Variants in EBF2 observed in about 807,000 individuals in gnomAD.
EBF2 encodes the protein transcription factor COE2.
Under a neutral mutation model 72.8 loss-of-function variants are expected in EBF2, and 21 were observed. The observed-to-expected ratio is 0.29, with a 90% CI of 0.20 to 0.42. The LOEUF (loss-of-function observed/expected upper bound fraction) is 0.42, where lower values mean the gene tolerates loss of function less well. EBF2 is among the 10% of genes least tolerant of loss of function. The probability of loss-of-function intolerance (pLI) is 1.00; values close to 1 mark genes in which losing one functional copy is unlikely to be tolerated. For missense variants in EBF2, 637 were observed against 731.2 expected, an observed-to-expected ratio of 0.87 and a Z score of 1.49; for synonymous variants, 299 against 274.2, an observed-to-expected ratio of 1.09 and a Z score of -0.89.
intron 6 of EBF2, among the ~76,000 whole-genome samples, chr8:25,924,937 A>G (rs1039663807): frequency 1.3e-5 from 2 of 152,246 alleles, no homozygotes; most frequent in Non-Finnish European, 2.9e-5. Context: ...CCAGATGCAC[A>G]GAAAATAAGG....
intron 15 of EBF2, among the ~76,000 whole-genome samples, chr8:25,846,419 G>T (rs1417287327): frequency 6.6e-6 from 1 of 152,152 alleles, no homozygotes; most frequent in Non-Finnish European, 1.5e-5. Flanking sequence ...TGGGCACGGT[G>T]GCTAACACCT....
intron 6 of EBF2, among the ~76,000 whole-genome samples, chr8:26,023,461 G>A (rs1022801703): frequency 2.0e-5 from 3 of 152,102 alleles, no homozygotes; most frequent in Non-Finnish European, 2.9e-5. Context: ...TAATAACCAC[G>A]TCCATCCAGT....
intron 6 of EBF2, among the ~76,000 whole-genome samples, chr8:25,944,776 T>C (rs990529843): frequency 4.2e-4 from 62 of 148,734 alleles, no homozygotes; most frequent in African/African-American, 1.4e-3. Flanking sequence ...TATTATATTG[T>C]GTATATAATT....
rs111782922 is a variant in EBF2 at position 25,920,643 on chromosome 8, T to C, written c.552-12088A>G. 1.8e-3 allele frequency among the ~76,000 whole-genome samples: 268 copies of C among 152,280 alleles called. 1 individual carries two copies. Among genetic ancestry groups the C allele is most frequent in the Admixed American group, 4.0e-3 (61 of 15,284 alleles). Reference sequence around the variant, plus strand: ...AATCAGCTATGAGGGAGAAAGAAATTTGGTGGCATTTAAGCAATAAGGTGT... The same window carrying C: ...AATCAGCTATGAGGGAGAAAGAAATCTGGTGGCATTTAAGCAATAAGGTGT... On this transcript the variant is annotated intron_variant, in intron 6 of 15. Coordinates refer to ENST00000520164, the MANE Select transcript of EBF2 (RefSeq NM_022659.4).
chr8:25,915,084 T>C (rs1803189091), intron 6 of EBF2, among the ~76,000 whole-genome samples: 1 of 152,184 alleles, frequency 6.6e-6, no homozygotes, highest in Non-Finnish European at 1.5e-5. Context: ...ATTTGCCAGG[T>C]ATGATTTCAT....
At chr8:25,980,437 GA>G (rs983468873) in intron 6 of EBF2, among the ~76,000 whole-genome samples, 1 of 151,928 alleles carries the variant, frequency 6.6e-6, no homozygotes, top group African/African-American at 2.4e-5. Context: ...AGGAAGGAAG[GA>G]AAGAAAAGAA....
intron 6 of EBF2, among the ~76,000 whole-genome samples, chr8:26,030,038 A>T (rs569179431): frequency 6.6e-6 from 1 of 152,108 alleles, no homozygotes; most frequent in South Asian, 2.1e-4. Context: ...CAGCCTCCTG[A>T]GTATCTAGGG....
At chr8:25,855,357 A>G (rs1343152773) in intron 14 of EBF2, among the ~76,000 whole-genome samples, 3 of 152,194 alleles carry the variant, frequency 2.0e-5, no homozygotes, top group African/African-American at 7.2e-5. Context: ...GGAACTTGGC[A>G]CACTGCTACT....
intron 14 of EBF2, among the ~76,000 whole-genome samples, chr8:25,854,147 G>A (rs368030100): frequency 6.7e-6 from 1 of 148,952 alleles, no homozygotes; most frequent in African/African-American, 2.5e-5. Context: ...ACATAATAGT[G>A]TTTAAAAATA....
chr8:25,987,347 C>T lies in EBF2; in HGVS notation c.551+45738G>A, dbSNP rs576206946. Among the ~76,000 whole-genome samples the T allele has an allele frequency of 2.0e-5, 3 of 152,296 alleles. No homozygotes were observed. The South Asian group carries it at 6.2e-4, about 32-fold the overall frequency. On this transcript the variant is annotated intron_variant, in intron 6 of 15. Coordinates refer to ENST00000520164, the MANE Select transcript of EBF2 (RefSeq NM_022659.4). Reference sequence around the variant, plus strand: ...TCCCGCCATTTTGCAGATAAGGAAACTGAGGCACAGAGAGGCTCAGTAGCT... The same window carrying T: ...TCCCGCCATTTTGCAGATAAGGAAATTGAGGCACAGAGAGGCTCAGTAGCT...
At chr8:25,890,040 A>G (rs569039611) in intron 7 of EBF2, among the ~76,000 whole-genome samples, 171 bp from the exon 8 acceptor site, 1 of 152,304 alleles carries the variant, frequency 6.6e-6, no homozygotes, top group South Asian at 2.1e-4. Flanking sequence ...TCAAAACTTT[A>G]CAGAAAAAGT....
intron 6 of EBF2, among the ~76,000 whole-genome samples, chr8:25,926,800 C>T (rs1017975785): frequency 2.6e-5 from 4 of 152,188 alleles, no homozygotes; most frequent in Admixed American, 6.5e-5. Flanking sequence ...GAGTTCTATT[C>T]ATCACCTTTG....
chr8:25,969,365 A>G (rs1391586472), intron 6 of EBF2, among the ~76,000 whole-genome samples: 1 of 152,236 alleles, frequency 6.6e-6, no homozygotes, highest in East Asian at 1.9e-4. Flanking sequence ...AGCTGAGATC[A>G]ATCACCTGTT....
At chr8:25,900,395 G>C (rs906873906) in intron 7 of EBF2, among the ~76,000 whole-genome samples, 3 of 152,102 alleles carry the variant, frequency 2.0e-5, no homozygotes, top group African/African-American at 7.2e-5. Flanking sequence ...AAAGACCAAG[G>C]CTGTAGTGAA....
chr8:25,857,572 T>G (rs1315054154), intron 14 of EBF2, among the ~76,000 whole-genome samples: 2 of 152,190 alleles, frequency 1.3e-5, no homozygotes, highest in Admixed American at 1.3e-4. Context: ...TAGGTAGGTT[T>G]GAAAAATGCA....
chr8:26,031,989 C>T (rs1031164957), intron 6 of EBF2: 4 of 152,234 alleles, frequency 2.6e-5, no homozygotes, highest in African/African-American at 9.6e-5. Context: ...ACACATCCAA[C>T]AAACATTTTA....
chr8:25,892,569 T>G (rs1157915529), intron 7 of EBF2, among the ~76,000 whole-genome samples: 1 of 152,198 alleles, frequency 6.6e-6, no homozygotes, highest in Non-Finnish European at 1.5e-5. Context: ...CTCTTCTGAT[T>G]TTTTTCTTTG....
Position 25,950,067 on chromosome 8 carries a change from G to A in EBF2, c.552-41512C>T, listed in dbSNP as rs549067858. Among the ~76,000 whole-genome samples, 7 of 152,326 alleles carry A rather than the reference G, an allele frequency of 4.6e-5. No homozygotes were observed. The South Asian group carries it at 6.2e-4, about 14-fold the overall frequency. On this transcript the variant is annotated intron_variant, in intron 6 of 15. Coordinates refer to ENST00000520164, the MANE Select transcript of EBF2 (RefSeq NM_022659.4). ...CGCTTGTCAGTCTCAGTCTAGAACC[G>A]TATTAATGAACATCATCCGAAGACC...
intron 6 of EBF2, among the ~76,000 whole-genome samples, chr8:26,003,204 C>G (rs1804770641): frequency 6.6e-6 from 1 of 152,094 alleles, no homozygotes; most frequent in African/African-American, 2.4e-5. Flanking sequence ...CCATGGATAA[C>G]TAATTATGTA....
Sources: gnomAD v4.1 joint callset for allele counts (sites outside exome capture counted in the v4.1 genomes callset) on GRCh38, gnomAD v4.1.1 for gene constraint, MANE v1.5 for transcripts, NCBI Gene and HGNC (gene_info 2026-07-23, HGNC 2026-07-21) for gene names.